Variants in FAM98C observed in about 807,000 individuals in gnomAD.
FAM98C encodes the protein protein FAM98C.
A neutral mutation model predicts 41.1 loss-of-function variants in FAM98C; 38 were observed. The ratio of observed to expected loss-of-function variants is 0.92; its 90% CI spans 0.71 to 1.21. The LOEUF (loss-of-function observed/expected upper bound fraction) is 1.21, where lower values mean the gene tolerates loss of function less well. Among genes scored for constraint, FAM98C ranks in the 50% most tolerant of loss-of-function variants. The pLI, the probability that FAM98C is intolerant of heterozygous loss-of-function variation, is 0.00. For missense variants in FAM98C, 493 were observed against 484.7 expected, an observed-to-expected ratio of 1.02 and a Z score of -0.16; for synonymous variants, 195 against 216.7, an observed-to-expected ratio of 0.90 and a Z score of 0.88.
rs960729450 is a variant in FAM98C, at chr19:38,403,796, T to C, written c.349+102T>C. 4.6e-6 allele frequency: 6 copies of C among 1,317,494 alleles called. No homozygotes were observed. The Admixed American group carries it at 1.2e-4, about 27-fold the overall frequency. 81.6% of individuals were successfully genotyped at this position (1,317,494 alleles called of 1,614,324 possible). A position where few individuals can be genotyped will look rare whatever the true frequency, so the allele number is the denominator to read the frequency against. ...GTTCCCAAGGGGTGTGGTCAGAACT[T>C]TGGGGCGGCCCAGAGGGTACGAGGT... On this transcript the variant is annotated intron_variant, in intron 3 of 7. Transcript: ENST00000252530.
intron 6 of FAM98C, 53 bp from the exon 7 acceptor site, chr19:38,406,857 C>T: frequency 6.4e-7 from 1 of 1,574,358 alleles, no homozygotes; most frequent in South Asian, 1.1e-5. Flanking sequence ...GATGACAGGT[C>T]CCACGTGGGG....
intron 6 of FAM98C, chr19:38,405,859 A>T (rs113116979): frequency 0.031 from 12,025 of 392,342 alleles, 225 homozygotes; most frequent in African/African-American, 0.052. Flanking sequence ...ATACCCCATC[A>T]TTTTTTTTTT....
Position 38,408,904 on chromosome 19 carries a change from C to T in FAM98C, c.*22C>T, listed in dbSNP as rs189945269. ...GTAAAGGGGGACTGGTGGTCGGGGG[C>T]GGGGGGTCCTCCATGAGATGCTAAT... is the stretch of plus-strand genomic sequence containing the variant. On this transcript the variant is annotated 3_prime_UTR_variant, in exon 8 of 8. Transcript: ENST00000252530. 2.2e-3 allele frequency: 3,320 copies of T among 1,529,588 alleles called. 54 individuals carry two copies. In the East Asian group the frequency reaches 0.05, roughly 23 times the overall value. The allele number at this position is 1,529,588 out of a possible 1,614,324, so 94.8% of individuals were successfully genotyped here. A position where few individuals can be genotyped will look rare whatever the true frequency, so the allele number is the denominator to read the frequency against.
chr19:38,403,894 A>G (rs1173481201), intron 3 of FAM98C, among the ~76,000 whole-genome samples, 200 bp downstream of exon 3: 2 of 151,870 alleles, frequency 1.3e-5, no homozygotes, highest in South Asian at 2.1e-4. Context: ...TTTATTTTTT[A>G]TTTATTTTAT....
Position 38,403,415 on chromosome 19 carries a change from C to G in FAM98C, c.143C>G (p.Ala48Gly). Reference sequence around the variant, plus strand: ...AGGGGGCTGTGCGTGCGGCTGGCGGCGGAGCTGGCGACGCTGGGCGCCCTC... The same window carrying G: ...AGGGGGCTGTGCGTGCGGCTGGCGGGGGAGCTGGCGACGCTGGGCGCCCTC... ...DFRGLCVRLA[A>G]ELATLGALEQ... Residue 48 changes from alanine (A) to glycine (G), a missense_variant, in exon 2 of 8, where the codon GCG becomes GGG. Ala to Gly is a moderately conservative substitution (Grantham distance 60). Transcript: ENST00000252530. The G allele has an allele frequency of 7.0e-7, 1 of 1,432,802 alleles. No individual in the cohort carries two copies. The allele number at this position is 1,432,802 out of a possible 1,614,324, so 88.8% of individuals were successfully genotyped here.
intron 7 of FAM98C, 98 bp from the exon 8 acceptor site, chr19:38,408,653 G>C (rs1971088374): frequency 6.6e-7 from 1 of 1,512,398 alleles, no homozygotes; most frequent in Non-Finnish European, 9.2e-7. Flanking sequence ...GTCAACATCT[G>C]CTGTTTCTTC....
chr19:38,409,013 C>T lies in FAM98C; in HGVS notation c.*131C>T. The stretch of plus-strand genomic sequence containing the variant: ...CCCCCCATCTCCTATTCCTGAGTCC[C>T]CAAATGCCCTGCTCCCATTCACGTC... On this transcript the variant is annotated 3_prime_UTR_variant, in exon 8 of 8. Transcript: ENST00000252530. The T allele has an allele frequency of 1.1e-6, 1 of 930,686 alleles. No individual in the cohort carries two copies. Among genetic ancestry groups the T allele is most frequent in the Non-Finnish European group, 1.5e-6 (1 of 650,544 alleles). The allele number at this position is 930,686 out of a possible 1,614,324, so 57.7% of individuals were successfully genotyped here.
At position 38,405,011 on chromosome 19, in the gene FAM98C, C is replaced by T. The variant is rs780962258; in HGVS notation, c.453C>T (p.Ala151=). The T allele has an allele frequency of 6.8e-6, 11 of 1,614,018 alleles. No individual in the cohort carries two copies. The highest frequency in any genetic ancestry group is 2.2e-5 in the East Asian group (1 of 44,888). ...TTGGTGAAGGGGTAGTGGAGGGAGC[C>T]GGCATGGTCCAAGAACTGGACCTTA... ...PPLGEGVVEG[A]GMVQELDLTL... Residue 151 remains alanine (A), a synonymous_variant, in exon 4 of 8, where the codon GCC becomes GCT. Transcript: ENST00000252530.
chr19:38,404,997 G>A lies in FAM98C; in HGVS notation c.439G>A (p.Val147Ile). ...PSPRPPLGEG[V>I]VEGAGMVQEL... ...TCCTAGGCCACCCCTTGGTGAAGGG[G>A]TAGTGGAGGGAGCCGGCATGGTCCA... Residue 147 changes from valine (V) to isoleucine (I), a missense_variant, in exon 4 of 8, where the codon GTA becomes ATA. Physicochemically the swap from Val to Ile is conservative, Grantham distance 29. Coordinates refer to ENST00000252530, the MANE Select transcript of FAM98C (RefSeq NM_174905.4). 2 of 1,614,196 alleles carry A rather than the reference G, an allele frequency of 1.2e-6. No individual in the cohort carries two copies. Among genetic ancestry groups the A allele is most frequent in the Non-Finnish European group, 1.7e-6 (2 of 1,180,038 alleles).
Position 38,403,161 on chromosome 19 carries a change from C to T in FAM98C, c.8C>T (p.Ala3Val), listed in dbSNP as rs1423652722. Residue 3 changes from alanine (A) to valine (V), a missense_variant, in exon 1 of 8, where the codon GCG becomes GTG. Physicochemically the swap from Ala to Val is moderately conservative, Grantham distance 64. Transcript: ENST00000252530. ME[A>V]VKAEAWEGAA... ...CGCCGAGACCACACTTTCATGGAGGCGGTGAAGGCGGAAGCGTGGGAGGGG... is the reference window on the plus strand; with the variant it reads ...CGCCGAGACCACACTTTCATGGAGGTGGTGAAGGCGGAAGCGTGGGAGGGG... 3 of 1,529,898 alleles carry T rather than the reference C, an allele frequency of 2.0e-6. No individual in the cohort carries two copies. The highest frequency in any genetic ancestry group is 5.2e-5 in the East Asian group (2 of 38,218). 94.8% of individuals were successfully genotyped at this position (1,529,898 alleles called of 1,614,324 possible). A position where few individuals can be genotyped will look rare whatever the true frequency, so the allele number is the denominator to read the frequency against.
Position 38,403,630 on chromosome 19 carries a change from CG to C in FAM98C, c.286del (p.Ala96ArgfsTer52). ...LLRELHCPDR[A>X]LCGGDGAAAL... Reference sequence around the variant, plus strand: ...TGCGGGAGCTGCACTGCCCGGATCGCGCGCTCTGCGGCGGGGATGGCGCGGC... The same window carrying C: ...TGCGGGAGCTGCACTGCCCGGATCGCCGCTCTGCGGCGGGGATGGCGCGGC... On this transcript the variant is annotated frameshift_variant, in exon 3 of 8. Transcript: ENST00000252530. LOFTEE classifies it high-confidence loss of function. 6.9e-7 allele frequency: 1 copy of C among 1,444,624 alleles called. No homozygotes were observed. Among genetic ancestry groups the C allele is most frequent in the Non-Finnish European group, 9.0e-7 (1 of 1,110,962 alleles). 89.5% of individuals were successfully genotyped at this position (1,444,624 alleles called of 1,614,324 possible).
rs879101940 is a variant in FAM98C at position 38,407,038 on chromosome 19, C to T, written c.879C>T (p.Ser293=). 5.6e-6 allele frequency: 9 copies of T among 1,613,972 alleles called. No homozygotes were observed. The highest frequency in any genetic ancestry group is 2.7e-5 in the African/African-American group (2 of 74,940). ...TGTCTTGTCTCGTCCCAGCCACCAG[C>T]GTGGCTGTCCGCAGAGGGACCTGCT... ...ADLSCLVPAT[S]VAVRRGTCCA... The change falls in exon 7 of 8, where the codon AGC becomes AGT. Residue 293 remains serine, a synonymous_variant. Transcript: ENST00000252530.
Position 38,403,567 on chromosome 19 carries a change from C to T in FAM98C, c.222C>T (p.Gly74=). The T allele has an allele frequency of 2.0e-6, 3 of 1,496,192 alleles. No homozygotes were observed. Among genetic ancestry groups the T allele is most frequent in the Admixed American group, 2.3e-5 (1 of 43,808 alleles). The allele number at this position is 1,496,192 out of a possible 1,614,324, so 92.7% of individuals were successfully genotyped here. ...AEVLSAGDGP[G]AEEDFLRQLG... ...ACACCCCTGTCCTCGCAGGCCCTGGCGCGGAGGAGGACTTTCTGCGGCAGC... is the reference window on the plus strand; with the variant it reads ...ACACCCCTGTCCTCGCAGGCCCTGGTGCGGAGGAGGACTTTCTGCGGCAGC... Residue 74 remains glycine (G), a synonymous_variant, in exon 3 of 8, where the codon GGC becomes GGT. Transcript: ENST00000252530.
rs537029653 is a variant in FAM98C, at chr19:38,403,266, GC to G, written c.65+53del. ...TGGTGGGTGCAGGAAGGCCAGGTCTGCCCCCTGGACGCGGACGAAAAGGGAT... is the reference window on the plus strand; with the variant it reads ...TGGTGGGTGCAGGAAGGCCAGGTCTGCCCCTGGACGCGGACGAAAAGGGAT... On this transcript the variant is annotated intron_variant, in intron 1 of 7. Coordinates refer to ENST00000252530, the MANE Select transcript of FAM98C (RefSeq NM_174905.4). 387 of 1,535,498 alleles carry G rather than the reference GC, an allele frequency of 2.5e-4. 1 individual carries two copies. The Middle Eastern group carries it at 4.4e-3, about 18-fold the overall frequency.
Position 38,403,222 on chromosome 19 carries a change from A to G in FAM98C, c.65+4A>G, listed in dbSNP as rs937865896. 28 of 1,559,954 alleles carry G rather than the reference A, an allele frequency of 1.8e-5. No individual in the cohort carries two copies. Among genetic ancestry groups the G allele is most frequent in the Non-Finnish European group, 2.4e-5 (28 of 1,160,112 alleles). ...CCCAGGACCTGCTGGCTCTGGGGTA[A>G]AAGGGTGTGCGGTGAGGCTGGTGGG... is the stretch of plus-strand genomic sequence containing the variant. On this transcript the variant is annotated splice_donor_region_variant and intron_variant, in intron 1 of 7. Coordinates refer to ENST00000252530, the MANE Select transcript of FAM98C (RefSeq NM_174905.4).
chr19:38,403,176 C>T lies in FAM98C; in HGVS notation c.23C>T (p.Ala8Val). The T allele has an allele frequency of 2.6e-6, 4 of 1,533,590 alleles. No homozygotes were observed. The highest frequency in any genetic ancestry group is 3.5e-6 in the Non-Finnish European group (4 of 1,152,528). 95.0% of individuals were successfully genotyped at this position (1,533,590 alleles called of 1,614,324 possible). A position where few individuals can be genotyped will look rare whatever the true frequency, so the allele number is the denominator to read the frequency against. The stretch of plus-strand genomic sequence containing the variant: ...TTCATGGAGGCGGTGAAGGCGGAAG[C>T]GTGGGAGGGGGCCGCGGTGGCCCAG... MEAVKAE[A>V]WEGAAVAQDL... The change falls in exon 1 of 8, where the codon GCG (alanine) becomes GTG (valine). Residue 8 changes from alanine (A) to valine (V), a missense_variant. Coordinates refer to ENST00000252530, the MANE Select transcript of FAM98C (RefSeq NM_174905.4).
Position 38,403,502 on chromosome 19 carries a change from G to A in FAM98C, c.214+16G>A. The stretch of plus-strand genomic sequence containing the variant: ...GCCGGCGACGGTAAACACGGAGCGG[G>A]AGGGTGGCAGGGGGGCCGCCACGGG... On this transcript the variant is annotated intron_variant, in intron 2 of 7. Transcript: ENST00000252530. 1 of 1,418,586 alleles carries A rather than the reference G, an allele frequency of 7.0e-7. No homozygotes were observed. The highest frequency in any genetic ancestry group is 9.1e-7 in the Non-Finnish European group (1 of 1,096,004). The allele number at this position is 1,418,586 out of a possible 1,614,324, so 87.9% of individuals were successfully genotyped here. A position where few individuals can be genotyped will look rare whatever the true frequency, so the allele number is the denominator to read the frequency against.
In FAM98C at chr19:38,405,403, G is replaced by A. The variant is rs376152986; in HGVS notation, c.615G>A (p.Ser205=). Reference sequence around the variant, plus strand: ...CCCTGCAGCCCCTCCTCAGCTGCTCGCTAGATGCACCCAGATGGGTAAGAC... The same window carrying A: ...CCCTGCAGCCCCTCCTCAGCTGCTCACTAGATGCACCCAGATGGGTAAGAC... ...PGSLQPLLSC[S]LDAPRWEALE... Residue 205 remains serine, a synonymous_variant, in exon 5 of 8, where the codon TCG becomes TCA. Coordinates refer to ENST00000252530, the MANE Select transcript of FAM98C (RefSeq NM_174905.4). The A allele has an allele frequency of 9.9e-6, 16 of 1,613,994 alleles. No individual in the cohort carries two copies. Among genetic ancestry groups the A allele is most frequent in the Middle Eastern group, 1.6e-4 (1 of 6,084 alleles).
intron 6 of FAM98C, chr19:38,405,882 G>A (rs1278679513): frequency 2.2e-6 from 1 of 457,348 alleles, no homozygotes; most frequent in African/African-American, 2.0e-5. Context: ...TTTTGAGACG[G>A]GGTCTCACTC....
Sources: gnomAD v4.1 joint callset for allele counts (sites outside exome capture counted in the v4.1 genomes callset) on GRCh38, gnomAD v4.1.1 for gene constraint, MANE v1.5 for transcripts, NCBI Gene and HGNC (gene_info 2026-07-23, HGNC 2026-07-21) for gene names.